Variants in DLG2 observed in about 807,000 individuals in gnomAD.
DLG2 encodes discs large MAGUK scaffold protein 2.
DLG2 carries 45 observed loss-of-function variants against 132.5 expected under a neutral mutation model. The ratio of observed to expected loss-of-function variants is 0.34; its 90% CI spans 0.27 to 0.44. The LOEUF (loss-of-function observed/expected upper bound fraction) is 0.44. Among genes scored for constraint, DLG2 ranks in the 20% least tolerant of loss-of-function variants. The pLI is 1.00. For missense variants in DLG2, 1,045 were observed against 1,196.9 expected, an observed-to-expected ratio of 0.87 and a Z score of 1.87; for synonymous variants, 424 against 419.6, an observed-to-expected ratio of 1.01 and a Z score of -0.13.
At chr11:84,395,708 T>G (rs777230006) in intron 7 of DLG2, among the ~76,000 whole-genome samples, 1 of 152,240 alleles carries the variant, frequency 6.6e-6, no homozygotes, top group African/African-American at 2.4e-5. Flanking sequence ...TTTAGTTAAC[T>G]AGATTTAATC....
chr11:84,629,771 C>G (rs2099628478), intron 6 of DLG2, among the ~76,000 whole-genome samples: 1 of 151,814 alleles, frequency 6.6e-6, no homozygotes, highest in South Asian at 2.1e-4. Flanking sequence ...AAGGAAAAGG[C>G]AGACGAACGG....
chr11:85,303,719 G>A (rs1383369488), intron 3 of DLG2, among the ~76,000 whole-genome samples: 1 of 152,144 alleles, frequency 6.6e-6, no homozygotes, highest in Non-Finnish European at 1.5e-5. Context: ...CTGAGTTCTA[G>A]TCCCAATTGC....
At chr11:84,195,153 C>G (rs1030402246) in intron 8 of DLG2, among the ~76,000 whole-genome samples, 2 of 152,092 alleles carry the variant, frequency 1.3e-5, no homozygotes, top group African/African-American at 4.8e-5. Context: ...TCCCTCTACT[C>G]TTCATTTTTT....
At chr11:83,889,638 T>C (rs1478586296) in intron 15 of DLG2, among the ~76,000 whole-genome samples, 3 of 152,158 alleles carry the variant, frequency 2.0e-5, no homozygotes, top group Admixed American at 1.3e-4. Flanking sequence ...TAAATCATGC[T>C]GCTATAAAGA....
chr11:84,166,522 A>AAAAGAAAGAAAGAAAG (rs539763492), intron 8 of DLG2, among the ~76,000 whole-genome samples: 6 of 141,588 alleles, frequency 4.2e-5, no homozygotes, highest in African/African-American at 1.3e-4. Flanking sequence ...AAAAAAAAAG[A>AAAAGAAAGAAAGAAAG]AAAGAAAGAA....
chr11:85,379,883 C>T (rs2085733905), intron 3 of DLG2, among the ~76,000 whole-genome samples: 1 of 152,180 alleles, frequency 6.6e-6, no homozygotes, highest in African/African-American at 2.4e-5. Flanking sequence ...TCCAAAAATT[C>T]ACTAGCTGTT....
At chr11:85,296,669 T>A (rs2079240086) in intron 3 of DLG2, among the ~76,000 whole-genome samples, 1 of 151,300 alleles carries the variant, frequency 6.6e-6, no homozygotes, top group Admixed American at 6.6e-5. Context: ...AGTATCACAT[T>A]CCACTGCACC....
At chr11:84,664,045 GAAC>G (rs984848328) in intron 6 of DLG2, among the ~76,000 whole-genome samples, 5 of 152,140 alleles carry the variant, frequency 3.3e-5, no homozygotes, top group African/African-American at 1.2e-4. Context: ...GTTACAGGCA[GAAC>G]AACAACGACT....
chr11:84,689,828 T>C (rs11234130), intron 6 of DLG2, among the ~76,000 whole-genome samples: 19,388 of 151,510 alleles, frequency 0.13, 1,524 homozygotes, highest in African/African-American at 0.2. Flanking sequence ...CACACAAACA[T>C]GCATGCAGAC....
At chr11:84,872,746 T>C (rs1166830222) in intron 6 of DLG2, among the ~76,000 whole-genome samples, 1 of 152,246 alleles carries the variant, frequency 6.6e-6, no homozygotes, top group African/African-American at 2.4e-5. Context: ...TTACTCTCTT[T>C]ACAGTTTCAC....
At chr11:85,177,286 T>TACAC (rs149186312) in intron 4 of DLG2, among the ~76,000 whole-genome samples, 78 of 136,470 alleles carry the variant, frequency 5.7e-4, no homozygotes, top group East Asian at 2.8e-3. Context: ...TATATACATA[T>TACAC]ACACACACAC....
At chr11:83,904,788 C>A (rs748255671) in intron 15 of DLG2, among the ~76,000 whole-genome samples, 1 of 152,018 alleles carries the variant, frequency 6.6e-6, no homozygotes, top group Admixed American at 6.6e-5. Flanking sequence ...ATAACACAAC[C>A]ACTTGCATGT....
chr11:85,179,139 G>A (rs575871209), intron 4 of DLG2, among the ~76,000 whole-genome samples: 1 of 151,948 alleles, frequency 6.6e-6, no homozygotes, highest in Admixed American at 6.6e-5. Context: ...CAGAAAAACA[G>A]CTTAATTAAG....
intron 9 of DLG2, among the ~76,000 whole-genome samples, chr11:84,118,324 C>A (rs185204347): frequency 6.6e-6 from 1 of 152,156 alleles, no homozygotes; most frequent in Non-Finnish European, 1.5e-5. Flanking sequence ...ACAGTTTGCC[C>A]GATGGAAGCC....
chr11:83,553,893 T>TG (rs200522656), intron 19 of DLG2, among the ~76,000 whole-genome samples: 2 of 150,808 alleles, frequency 1.3e-5, no homozygotes, highest in Non-Finnish European at 2.9e-5. Context: ...TCTTTTCTTT[T>TG]TTTTTCTTTT....
intron 7 of DLG2, among the ~76,000 whole-genome samples, chr11:84,253,814 T>C (rs1457828416): frequency 1.3e-5 from 2 of 152,168 alleles, no homozygotes; most frequent in African/African-American, 4.8e-5. Context: ...ATATTGTTTT[T>C]TCTGACCTCA....
intron 6 of DLG2, among the ~76,000 whole-genome samples, chr11:84,640,890 C>T (rs1034738685): frequency 2.1e-4 from 31 of 149,154 alleles, no homozygotes; most frequent in African/African-American, 7.4e-4. Context: ...CAGTGAGCTG[C>T]GATCAGGCCA....
At chr11:85,594,897 C>T (rs1174914895) in intron 3 of DLG2, among the ~76,000 whole-genome samples, 6 of 151,524 alleles carry the variant, frequency 4.0e-5, no homozygotes, top group Non-Finnish European at 8.8e-5. Context: ...TAAAGCCCGT[C>T]TCTACCAAAA....
chr11:84,874,697 A>G (rs1030470653), intron 6 of DLG2, among the ~76,000 whole-genome samples: 2 of 152,118 alleles, frequency 1.3e-5, no homozygotes, highest in African/African-American at 4.8e-5. Context: ...TTAGACTGAT[A>G]GAAGGAAATG....
Sources: gnomAD v4.1 joint callset for allele counts (sites outside exome capture counted in the v4.1 genomes callset) on GRCh38, gnomAD v4.1.1 for gene constraint, MANE v1.5 for transcripts, NCBI Gene and HGNC (gene_info 2026-07-23, HGNC 2026-07-21) for gene names.